The following SHISA9 variants were observed in gnomAD, a reference collection of about 807,000 sequenced individuals.
SHISA9 encodes the protein protein shisa-9.
SHISA9 carries 13 observed loss-of-function variants against 38.0 expected under a neutral mutation model. The ratio of observed to expected loss-of-function variants is 0.34; its 90% CI spans 0.22 to 0.54. SHISA9 has a LOEUF of 0.54. Ranked by LOEUF, SHISA9 falls within the 20% of genes least tolerant of loss-of-function variation. The pLI, the probability that SHISA9 is intolerant of heterozygous loss-of-function variation, is 0.91. For missense variants in SHISA9, 538 were observed against 575.8 expected (o/e 0.93, Z 0.67); for synonymous variants, 275 against 242.0 (o/e 1.14, Z -1.27).
the SHISA9 span, among the ~76,000 whole-genome samples, chr16:13,442,222 CAAAAT>C: frequency 6.6e-6 from 1 of 152,118 alleles, no homozygotes; most frequent in Non-Finnish European, 1.5e-5. Flanking sequence ...GGATGAGAAA[CAAAAT>C]AAATCTTTTT....
intron 1 of SHISA9, chr16:12,908,800 A>G: frequency 7.4e-7 from 1 of 1,359,380 alleles, no homozygotes; most frequent in South Asian, 1.6e-5. Context: ...GTGAGAAATG[A>G]CCTTGGGGAC....
At chr16:13,444,699 C>T in the SHISA9 span, among the ~76,000 whole-genome samples, 1 of 151,986 alleles carries the variant, frequency 6.6e-6, no homozygotes, top group African/African-American at 2.4e-5. Context: ...ACCTGGTTAA[C>T]CCTTGTGCAT....
the SHISA9 span, among the ~76,000 whole-genome samples, chr16:13,396,414 C>T: frequency 1.1e-4 from 17 of 152,190 alleles, no homozygotes; most frequent in African/African-American, 2.9e-4. Flanking sequence ...GGCTGAGGCA[C>T]GAGAATCACT....
the SHISA9 span, among the ~76,000 whole-genome samples, chr16:13,488,592 A>T: frequency 6.6e-6 from 1 of 152,172 alleles, no homozygotes; most frequent in Non-Finnish European, 1.5e-5. Flanking sequence ...ACAGTATTTC[A>T]TATGGCAACA....
chr16:13,386,585 C>T, the SHISA9 span, among the ~76,000 whole-genome samples: 1 of 152,204 alleles, frequency 6.6e-6, no homozygotes, highest in African/African-American at 2.4e-5. Flanking sequence ...GTGTCTGGCA[C>T]GTACTAAATT....
the SHISA9 span, among the ~76,000 whole-genome samples, chr16:13,418,155 A>G: frequency 6.6e-6 from 1 of 152,142 alleles, no homozygotes; most frequent in Non-Finnish European, 1.5e-5. Flanking sequence ...TAGGCATCTC[A>G]GGTTTGTCAG....
At chr16:13,499,171 A>G in the SHISA9 span, among the ~76,000 whole-genome samples, 1 of 152,230 alleles carries the variant, frequency 6.6e-6, no homozygotes, top group Non-Finnish European at 1.5e-5. Flanking sequence ...TCAGTAACTA[A>G]GTTGACAGTT....
chr16:13,294,673 C>T, the SHISA9 span, among the ~76,000 whole-genome samples: 8 of 152,184 alleles, frequency 5.3e-5, no homozygotes, highest in Admixed American at 1.3e-4. Context: ...GCACTGTTAT[C>T]CTTATGGGTT....
the SHISA9 span, among the ~76,000 whole-genome samples, chr16:13,293,760 C>G: frequency 6.6e-6 from 1 of 152,292 alleles, no homozygotes; most frequent in East Asian, 1.9e-4. Context: ...TTATTTGCAT[C>G]CTTTCCATTC....
At chr16:12,947,288 G>C (rs531963186) in intron 2 of SHISA9, among the ~76,000 whole-genome samples, 10 of 152,302 alleles carry the variant, frequency 6.6e-5, no homozygotes, top group African/African-American at 2.4e-4. Context: ...TTCTCTCCAA[G>C]GACCATGTGG....
chr16:13,184,282 G>C (rs2050801405), intron 2 of SHISA9, among the ~76,000 whole-genome samples: 1 of 152,082 alleles, frequency 6.6e-6, no homozygotes, highest in African/African-American at 2.4e-5. Context: ...TATCACCGCT[G>C]GGATGTTTGA....
chr16:12,902,233 G>C lies in SHISA9; in HGVS notation c.169G>C (p.Gly57Arg). The C allele has an allele frequency of 6.5e-7, 1 of 1,541,462 alleles. No homozygotes were observed. The highest frequency in any genetic ancestry group is 1.2e-5 in the South Asian group (1 of 83,944). Residue 57 changes from glycine (G) to arginine (R), a missense_variant, in exon 1 of 5, where the codon GGC becomes CGC. Gly to Arg is a moderately radical substitution (Grantham distance 125). Transcript: ENST00000558583. Reference sequence around the variant, plus strand: ...GGCCGCCTCCGGAGAGGCCAGCGAGGGCGCTGAGGCATCGGACGCGCCCCC... The same window carrying C: ...GGCCGCCTCCGGAGAGGCCAGCGAGCGCGCTGAGGCATCGGACGCGCCCCC... ...SGAASGEASE[G>R]AEASDAPPTR...
At chr16:13,135,002 A>G (rs965208007) in intron 2 of SHISA9, among the ~76,000 whole-genome samples, 4 of 152,204 alleles carry the variant, frequency 2.6e-5, no homozygotes, top group Admixed American at 6.5e-5. Flanking sequence ...TTATTGGCCA[A>G]TGCGAGTCAC....
chr16:13,402,572 A>G, the SHISA9 span, among the ~76,000 whole-genome samples: 3 of 145,038 alleles, frequency 2.1e-5, no homozygotes, highest in African/African-American at 7.8e-5. Flanking sequence ...TAGAGTGCAG[A>G]GGCACAATCT....
At chr16:13,048,483 A>C (rs950329783) in intron 2 of SHISA9, among the ~76,000 whole-genome samples, 2 of 152,146 alleles carry the variant, frequency 1.3e-5, no homozygotes, top group African/African-American at 4.8e-5. Flanking sequence ...GTGCAATGGC[A>C]TGATCTCTGT....
At chr16:13,355,213 G>A in the SHISA9 span, among the ~76,000 whole-genome samples, 2 of 149,466 alleles carry the variant, frequency 1.3e-5, no homozygotes, top group Non-Finnish European at 3.0e-5. Context: ...TAAAATGGGG[G>A]AATTGTAAGG....
intron 4 of SHISA9, among the ~76,000 whole-genome samples, chr16:13,233,469 C>G (rs2051351668): frequency 6.6e-6 from 1 of 152,124 alleles, no homozygotes; most frequent in Non-Finnish European, 1.5e-5. Flanking sequence ...TTTTATAATC[C>G]AAATCAAAGG....
intron 2 of SHISA9, among the ~76,000 whole-genome samples, chr16:12,938,192 T>C (rs576172254): frequency 3.3e-5 from 5 of 152,244 alleles, no homozygotes; most frequent in African/African-American, 1.2e-4. Flanking sequence ...AATAAAGCTA[T>C]GCTTGTTCCA....
At chr16:13,512,237 C>A in the SHISA9 span, among the ~76,000 whole-genome samples, 1 of 151,918 alleles carries the variant, frequency 6.6e-6, no homozygotes, top group Admixed American at 6.6e-5. Context: ...CAAAAATTAC[C>A]AGGAATGCAA....
Sources: allele counts gnomAD v4.1 joint callset (sites outside exome capture counted in the v4.1 genomes callset), GRCh38; gene constraint gnomAD v4.1.1; transcripts MANE v1.5; gene names NCBI Gene and HGNC (gene_info 2026-07-23, HGNC 2026-07-21).